Variants in SCN1A observed in about 807,000 individuals in gnomAD.
The protein encoded by SCN1A is sodium voltage-gated channel alpha subunit 1.
Under a neutral mutation model 193.7 loss-of-function variants are expected in SCN1A, and 13 were observed. The ratio of observed to expected loss-of-function variants is 0.07; its 90% CI spans 0.04 to 0.11. SCN1A has a LOEUF of 0.11. Ranked by LOEUF, SCN1A falls within the 10% of genes least tolerant of loss-of-function variation. The pLI is 1.00. For synonymous variants in SCN1A, 781 were observed against 843.6 expected, an observed-to-expected ratio of 0.93 and a Z score of 1.29; for missense variants, 1,432 against 2,451.1, an observed-to-expected ratio of 0.58 and a Z score of 8.78.
chr2:166,079,742 G>A (rs1403842742), intron 2 of SCN1A, among the ~76,000 whole-genome samples: 1 of 150,892 alleles, frequency 6.6e-6, no homozygotes, highest in East Asian at 1.9e-4. Flanking sequence ...AACCAAGAAA[G>A]TAGAAGACAT....
intron 2 of SCN1A, among the ~76,000 whole-genome samples, chr2:166,118,259 C>G (rs1690101579): frequency 7.7e-6 from 1 of 130,066 alleles, no homozygotes; most frequent in Admixed American, 7.7e-5. Context: ...AAAAATCACA[C>G]TCCTATTTTC....
At chr2:166,108,036 A>T (rs536183044) in intron 2 of SCN1A, among the ~76,000 whole-genome samples, 1 of 152,218 alleles carries the variant, frequency 6.6e-6, no homozygotes, top group African/African-American at 2.4e-5. Flanking sequence ...GTATTTGCAA[A>T]TCATATATCT....
intron 3 of SCN1A, among the ~76,000 whole-genome samples, chr2:166,074,288 G>A (rs2105987524): frequency 6.6e-6 from 1 of 152,324 alleles, no homozygotes; most frequent in Non-Finnish European, 1.5e-5. Flanking sequence ...GATAAAGACA[G>A]TCCACGGTTG....
chr2:166,033,467 T>C (rs1695903449), intron 19 of SCN1A, among the ~76,000 whole-genome samples: 1 of 66,874 alleles, frequency 1.5e-5, no homozygotes, highest in Non-Finnish European at 2.8e-5. Flanking sequence ...ATCCCAGCAC[T>C]TTGGGAGGCT....
intron 7 of SCN1A, among the ~76,000 whole-genome samples, chr2:166,053,674 G>A (rs577752656): frequency 4.6e-5 from 7 of 151,938 alleles, no homozygotes; most frequent in Non-Finnish European, 8.8e-5. Context: ...ATCCTGATCA[G>A]ATAGGAAATT....
intron 1 of SCN1A, among the ~76,000 whole-genome samples, chr2:166,143,221 C>A (rs986600501): frequency 2.3e-5 from 3 of 132,274 alleles, no homozygotes; most frequent in Non-Finnish European, 3.0e-5. Flanking sequence ...GGCTGGAGTG[C>A]GGTGGCAGGA....
At chr2:166,124,582 TG>T (rs1256616706) in intron 2 of SCN1A, among the ~76,000 whole-genome samples, 1 of 151,522 alleles carries the variant, frequency 6.6e-6, no homozygotes, top group Non-Finnish European at 1.5e-5. Context: ...ACAAATGGAG[TG>T]GATTTGGGTA....
intron 2 of SCN1A, among the ~76,000 whole-genome samples, chr2:166,103,431 A>T (rs1433322282): frequency 6.6e-6 from 1 of 150,848 alleles, no homozygotes; most frequent in Non-Finnish European, 1.5e-5. Flanking sequence ...AGCCTGGGTG[A>T]CAAAGCAAGA....
intron 11 of SCN1A, among the ~76,000 whole-genome samples, chr2:166,047,239 C>T (rs970027688): frequency 6.6e-6 from 1 of 152,038 alleles, no homozygotes; most frequent in Non-Finnish European, 1.5e-5. Flanking sequence ...ATGGAGTCCT[C>T]CATTAACGAC....
chr2:166,053,035 T>G, intron 7 of SCN1A, 92 bp from the exon 8 acceptor site: 1 of 1,402,788 alleles, frequency 7.1e-7, no homozygotes, highest in Admixed American at 1.7e-5. Flanking sequence ...TAATCACTTC[T>G]TACCTGGAAT....
intron 18 of SCN1A, among the ~76,000 whole-genome samples, chr2:166,037,133 T>C (rs1222929684): frequency 6.6e-6 from 1 of 152,172 alleles, no homozygotes; most frequent in Non-Finnish European, 1.5e-5. Flanking sequence ...TGTATTACTA[T>C]ACTATAAACA....
chr2:166,115,137 C>T (rs1408887498), intron 2 of SCN1A, among the ~76,000 whole-genome samples: 1 of 152,092 alleles, frequency 6.6e-6, no homozygotes, highest in Non-Finnish European at 1.5e-5. Flanking sequence ...ACAGGTGGAT[C>T]ACCTGAGGTC....
At position 166,051,919 on chromosome 2, in the gene SCN1A, A is replaced by G. The variant is rs1438393881; in HGVS notation, c.764T>C (p.Val255Ala). ...KKLSDVMILTVFCLSVFALIG... is the reference protein window; with the variant it reads ...KKLSDVMILTAFCLSVFALIG... The stretch of plus-strand genomic sequence containing the variant: ...TAGAGCAAATACGCTCAGACAGAAC[A>G]CAGTCAGGATCATTACATCTGAGAG... The change falls in exon 9 of 29, where the codon GTG becomes GCG. Residue 255 changes from valine (V) to alanine (A), a missense_variant. This residue lies in a region of SCN1A where 123 missense variants were observed against 282.8 expected (regional missense o/e 0.43). Coordinates refer to ENST00000674923, the MANE Select transcript of SCN1A (RefSeq NM_001165963.4). 2 of 1,612,570 alleles carry G rather than the reference A, an allele frequency of 1.2e-6. 1 individual carries two copies. The highest frequency in any genetic ancestry group is 2.2e-5 in the South Asian group (2 of 91,046).
chr2:166,010,094 GA>G (rs1033477751), intron 22 of SCN1A, among the ~76,000 whole-genome samples: 15 of 146,410 alleles, frequency 1.0e-4, no homozygotes, highest in South Asian at 4.3e-4. Context: ...TGAATAAATA[GA>G]AAAAAAAAGC....
chr2:166,058,538 ATAGT>A, intron 5 of SCN1A, 28 bp downstream of exon 5: 3 of 1,214,992 alleles, frequency 2.5e-6, no homozygotes, highest in Non-Finnish European at 3.7e-6. Context: ...TCATGTACAA[ATAGT>A]TAATATTAAT....
chr2:166,105,927 C>G (rs1421252909), intron 2 of SCN1A, among the ~76,000 whole-genome samples: 1 of 152,242 alleles, frequency 6.6e-6, no homozygotes, highest in African/African-American at 2.4e-5. Context: ...GTGGCTCACG[C>G]CTGTAATCCC....
At chr2:166,082,484 TTG>T (rs1354473483) in intron 2 of SCN1A, among the ~76,000 whole-genome samples, 3 of 90,940 alleles carry the variant, frequency 3.3e-5, no homozygotes, top group African/African-American at 7.8e-5. Flanking sequence ...TTTATATTAC[TTG>T]GACAGACCCA....
chr2:166,134,791 C>A (rs183536676), intron 1 of SCN1A, among the ~76,000 whole-genome samples: 92 of 152,274 alleles, frequency 6.0e-4, no homozygotes, highest in Admixed American at 1.2e-3. Context: ...TATGGGGAGA[C>A]AAAATTCAAC....
chr2:166,148,175 A>G (rs6749736), intron 1 of SCN1A, among the ~76,000 whole-genome samples: 115,916 of 152,126 alleles, frequency 0.76, 45,261 homozygotes, highest in African/African-American at 0.91. Flanking sequence ...AACTTTTTAA[A>G]TATCCATCTA....
Sources: allele counts gnomAD v4.1 joint callset (sites outside exome capture counted in the v4.1 genomes callset), GRCh38; gene constraint gnomAD v4.1.1; regional missense constraint gnomAD v4.1.1; transcripts MANE v1.5; gene names NCBI Gene and HGNC (gene_info 2026-07-23, HGNC 2026-07-21).